The following SULT1C4 variants were observed in gnomAD, a reference collection of about 807,000 sequenced individuals.
The protein encoded by SULT1C4 is sulfotransferase 1C4.
SULT1C4 carries 32 observed loss-of-function variants against 34.8 expected under a neutral mutation model. The ratio of observed to expected loss-of-function variants is 0.92; its 90% CI spans 0.69 to 1.23. The LOEUF is 1.23. Ranked by LOEUF, SULT1C4 falls within the 50% of genes most tolerant of loss-of-function variation. SULT1C4 has a pLI of 0.00. For synonymous variants in SULT1C4, 111 were observed against 120.5 expected, an observed-to-expected ratio of 0.92 and a Z score of 0.51; for missense variants, 375 against 365.9, an observed-to-expected ratio of 1.02 and a Z score of -0.20.
In SULT1C4 at chr2:108,378,058, C is replaced by T. The variant is rs1678288835; in HGVS notation, c.-280C>T. The T allele has an allele frequency of 4.7e-6, 1 of 214,704 alleles. No homozygotes were observed. Among genetic ancestry groups the T allele is most frequent in the Non-Finnish European group, 8.9e-6 (1 of 112,256 alleles). 13.3% of individuals were successfully genotyped at this position (214,704 alleles called of 1,614,324 possible). A position where few individuals can be genotyped will look rare whatever the true frequency, so the allele number is the denominator to read the frequency against. Reference sequence around the variant, plus strand: ...TTTGCTGGCCAGCAGGGTTTGTGGCCGCCTCTGCTGTGACGCCACAGCCTG... The same window carrying T: ...TTTGCTGGCCAGCAGGGTTTGTGGCTGCCTCTGCTGTGACGCCACAGCCTG... On this transcript the variant is annotated 5_prime_UTR_variant, in exon 1 of 7. Transcript: ENST00000272452.
chr2:108,386,548 T>G (rs939397721), intron 6 of SULT1C4, among the ~76,000 whole-genome samples, 176 bp downstream of exon 6: 2 of 152,230 alleles, frequency 1.3e-5, no homozygotes, highest in Non-Finnish European at 2.9e-5. Context: ...TAGCCAATTA[T>G]TATTAAGATT....
At position 108,378,262 on chromosome 2, in the gene SULT1C4, C is replaced by A; in HGVS notation, c.-76C>A. The A allele has an allele frequency of 2.9e-6, 4 of 1,395,536 alleles. No homozygotes were observed. Among genetic ancestry groups the A allele is most frequent in the Non-Finnish European group, 4.0e-6 (4 of 1,003,068 alleles). The allele number at this position is 1,395,536 out of a possible 1,614,324, so 86.4% of individuals were successfully genotyped here. A position where few individuals can be genotyped will look rare whatever the true frequency, so the allele number is the denominator to read the frequency against. ...TGGTAGTGTGGTGGATAGAGTGCTG[C>A]CTCTATCCACAACGCAGCCATATGC... On this transcript the variant is annotated 5_prime_UTR_variant, in exon 1 of 7. Transcript: ENST00000272452.
At position 108,386,353 on chromosome 2, in the gene SULT1C4, T is replaced by G. The variant is rs759286821; in HGVS notation, c.777T>G (p.Ile259Met). ...CTGCTGAAATCATGGACCACTCCAT[T>G]TCTCCATTCATGAGAAAAGGTTTTT... is the stretch of plus-strand genomic sequence containing the variant. ...SIPAEIMDHS[I>M]SPFMRKGAVG... Residue 259 changes from isoleucine to methionine, a missense_variant, in exon 6 of 7, where the codon ATT (isoleucine) becomes ATG (methionine). Physicochemically the swap from Ile to Met is conservative, Grantham distance 10 (BLOSUM62 1). Transcript: ENST00000272452. The G allele has an allele frequency of 6.6e-7, 1 of 1,504,366 alleles. No homozygotes were observed. Among genetic ancestry groups the G allele is most frequent in the Admixed American group, 2.2e-5 (1 of 45,836 alleles). The allele number at this position is 1,504,366 out of a possible 1,614,324, so 93.2% of individuals were successfully genotyped here.
At chr2:108,381,624 A>G (rs1678397812) in intron 1 of SULT1C4, 138 bp from the exon 2 acceptor site, 3 of 991,964 alleles carry the variant, frequency 3.0e-6, no homozygotes, top group Non-Finnish European at 3.9e-6. Context: ...GCCTTGATAC[A>G]GAGCAAGACC....
Position 108,387,464 on chromosome 2 carries a change from A to T in SULT1C4, c.*32A>T. On this transcript the variant is annotated 3_prime_UTR_variant, in exon 7 of 7. Coordinates refer to ENST00000272452, the MANE Select transcript of SULT1C4 (RefSeq NM_006588.4). ...AGAAAAACTGAAAATGTTTTAGTTT[A>T]TTACCCAGTATATTTGGGTAATAAT... 1 of 1,391,896 alleles carries T rather than the reference A, an allele frequency of 7.2e-7. No individual in the cohort carries two copies. Among genetic ancestry groups the T allele is most frequent in the Non-Finnish European group, 1.0e-6 (1 of 987,508 alleles). The allele number at this position is 1,391,896 out of a possible 1,614,324, so 86.2% of individuals were successfully genotyped here.
At chr2:108,380,784 T>G (rs1573293606) in intron 1 of SULT1C4, among the ~76,000 whole-genome samples, 2 of 152,192 alleles carry the variant, frequency 1.3e-5, no homozygotes, top group South Asian at 4.1e-4. Context: ...TTCTATCTGC[T>G]GGGGCTACTA....
chr2:108,387,649 A>C lies in SULT1C4; in HGVS notation c.*217A>C, dbSNP rs562130067. On this transcript the variant is annotated 3_prime_UTR_variant, in exon 7 of 7. Transcript: ENST00000272452. ...GACATGGAGAGAGGGAAGCTCAATAAATCACTAGGTACAATCCTGGTATCA... is the reference window on the plus strand; with the variant it reads ...GACATGGAGAGAGGGAAGCTCAATACATCACTAGGTACAATCCTGGTATCA... 3.8e-6 allele frequency: 2 copies of C among 523,762 alleles called. No individual in the cohort carries two copies. The highest frequency in any genetic ancestry group is 3.6e-5 in the Admixed American group (1 of 27,656). The allele number at this position is 523,762 out of a possible 1,614,324, so 32.4% of individuals were successfully genotyped here.
rs192389440 is a variant in SULT1C4 at position 108,388,774 on chromosome 2, C to T, written c.*1342C>T. On this transcript the variant is annotated 3_prime_UTR_variant, in exon 7 of 7. Transcript: ENST00000272452. ...TTACTGGGTCCTAGTCACATCTTAC[C>T]ACTTCCTACCCTCCCAGTTTTATTT... 6.6e-6 allele frequency among the ~76,000 whole-genome samples: 1 copy of T among 152,208 alleles called. No homozygotes were observed. The highest frequency in any genetic ancestry group is 1.5e-5 in the Non-Finnish European group (1 of 67,998).
Position 108,378,486 on chromosome 2 carries a change from T to C in SULT1C4, c.149T>C (p.Ile50Thr). Residue 50 changes from isoleucine (I) to threonine (T), a missense_variant, in exon 1 of 7, where the codon ATT (isoleucine) becomes ACT (threonine). Coordinates refer to ENST00000272452, the MANE Select transcript of SULT1C4 (RefSeq NM_006588.4). Reference protein sequence around the residue: ...NFQAKPDDLLISTYPKAGTTW... With the variant: ...NFQAKPDDLLTSTYPKAGTTW... ...CAAGCCAAGCCTGATGACCTGCTTA[T>C]TTCTACCTATCCTAAAGCAGGTAGG... is the stretch of plus-strand genomic sequence containing the variant. 1 of 1,614,128 alleles carries C rather than the reference T, an allele frequency of 6.2e-7. No individual in the cohort carries two copies. Among genetic ancestry groups the C allele is most frequent in the Non-Finnish European group, 8.5e-7 (1 of 1,179,994 alleles).
chr2:108,383,793 T>C (rs1678493918), intron 5 of SULT1C4, among the ~76,000 whole-genome samples: 1 of 152,226 alleles, frequency 6.6e-6, no homozygotes, highest in Admixed American at 6.5e-5. Context: ...GCATGTCTAT[T>C]TTAAAATGCA....
intron 4 of SULT1C4, 25 bp downstream of exon 4, chr2:108,383,244 CT>C: frequency 6.2e-7 from 1 of 1,605,892 alleles, no homozygotes; most frequent in Non-Finnish European, 8.5e-7. Context: ...CTTTGTTTCC[CT>C]TCGTTTCTCA....
In SULT1C4 at chr2:108,387,420, C is replaced by T. The variant is rs201896235; in HGVS notation, c.897C>T (p.His299=). 3 of 1,609,824 alleles carry T rather than the reference C, an allele frequency of 1.9e-6. No homozygotes were observed. Among genetic ancestry groups the T allele is most frequent in the Non-Finnish European group, 8.5e-7 (1 of 1,176,924 alleles). Residue 299 remains histidine (H), a synonymous_variant, in exon 7 of 7, where the codon CAC becomes CAT. Transcript: ENST00000272452. ...TGACTGATACCAGACTAACTTTCCACTTCCAGTTCTAGTAAGGAAGAAAAA... is the reference window on the plus strand; with the variant it reads ...TGACTGATACCAGACTAACTTTCCATTTCCAGTTCTAGTAAGGAAGAAAAA... ...KKMTDTRLTF[H]FQF
intron 5 of SULT1C4, among the ~76,000 whole-genome samples, chr2:108,385,729 TG>T (rs1189917249): frequency 1.3e-5 from 2 of 151,976 alleles, no homozygotes; most frequent in Non-Finnish European, 2.9e-5. Context: ...GAGTGCCTCT[TG>T]AGGCATGCAA....
At position 108,388,671 on chromosome 2, in the gene SULT1C4, A is replaced by G. The variant is rs1323636493; in HGVS notation, c.*1239A>G. Among the ~76,000 whole-genome samples the G allele has an allele frequency of 6.6e-6, 1 of 152,230 alleles. No individual in the cohort carries two copies. Among genetic ancestry groups the G allele is most frequent in the Non-Finnish European group, 1.5e-5 (1 of 68,040 alleles). The stretch of plus-strand genomic sequence containing the variant: ...TTTAGCCATGCATTCAAGAGCAGCT[A>G]TAACCATAATGACTCCAGCCTTCAC... On this transcript the variant is annotated 3_prime_UTR_variant, in exon 7 of 7. Transcript: ENST00000272452.
Position 108,381,829 on chromosome 2 carries a change from G to C in SULT1C4, c.237G>C (p.Arg79=), listed in dbSNP as rs747802279. The change falls in exon 2 of 7, where the codon CGG becomes CGC. Residue 79 remains arginine, a synonymous_variant. Coordinates refer to ENST00000272452, the MANE Select transcript of SULT1C4 (RefSeq NM_006588.4). ...QNEGDVEKSK[R]APTHQRFPFL... ...AAGGTGATGTGGAGAAAAGTAAACG[G>C]GCACCGACTCATCAACGATTTCCTT... 1 of 1,506,000 alleles carries C rather than the reference G, an allele frequency of 6.6e-7. No individual in the cohort carries two copies. The highest frequency in any genetic ancestry group is 2.5e-5 in the East Asian group (1 of 40,294). 93.3% of individuals were successfully genotyped at this position (1,506,000 alleles called of 1,614,324 possible).
intron 5 of SULT1C4, among the ~76,000 whole-genome samples, chr2:108,385,857 C>T (rs1230246671): frequency 6.6e-6 from 1 of 152,222 alleles, no homozygotes; most frequent in Admixed American, 6.5e-5. Flanking sequence ...TGCCCCTGTG[C>T]TTCTGAAATG....
chr2:108,381,682 G>C (rs943974015), intron 1 of SULT1C4, 80 bp from the exon 2 acceptor site: 5 of 1,295,148 alleles, frequency 3.9e-6, no homozygotes, highest in African/African-American at 1.5e-5. Context: ...AGACATAGAT[G>C]TTCTAACAAG....
intron 4 of SULT1C4, 29 bp downstream of exon 4, chr2:108,383,248 G>A (rs547161956): frequency 4.4e-6 from 7 of 1,605,776 alleles, no homozygotes; most frequent in East Asian, 2.2e-5. Context: ...GTTTCCCTTC[G>A]TTTCTCAAAA....
In SULT1C4 at chr2:108,383,075, T is replaced by C. The variant is rs2104344747; in HGVS notation, c.394-18T>C. The stretch of plus-strand genomic sequence containing the variant: ...TGTTTTTTTGCTTCTTCCCTTCCCC[T>C]CCCCTCATCATTCCCAGATAATCTA... On this transcript the variant is annotated intron_variant, in intron 3 of 6. Transcript: ENST00000272452. 6 of 1,522,846 alleles carry C rather than the reference T, an allele frequency of 3.9e-6. No individual in the cohort carries two copies. Among genetic ancestry groups the C allele is most frequent in the Non-Finnish European group, 4.4e-6 (5 of 1,136,614 alleles). 94.3% of individuals were successfully genotyped at this position (1,522,846 alleles called of 1,614,324 possible).
Sources: gnomAD v4.1 joint callset for allele counts (sites outside exome capture counted in the v4.1 genomes callset) on GRCh38, gnomAD v4.1.1 for gene constraint, MANE v1.5 for transcripts, NCBI Gene and HGNC (gene_info 2026-07-23, HGNC 2026-07-21) for gene names.